Variants in CHRM3 observed in about 807,000 individuals in gnomAD.
CHRM3 encodes cholinergic receptor muscarinic 3, also known as muscarinic acetylcholine receptor M3.
Under a neutral mutation model 41.8 loss-of-function variants are expected in CHRM3, and 11 were observed. That is an observed-to-expected ratio of 0.26 (90% CI 0.17 to 0.44). The LOEUF (loss-of-function observed/expected upper bound fraction) is 0.44, where lower values mean the gene tolerates loss of function less well. Among genes scored for constraint, CHRM3 ranks in the 20% least tolerant of loss-of-function variants. The pLI, the probability that CHRM3 is intolerant of heterozygous loss-of-function variation, is 1.00. For synonymous variants in CHRM3, 297 were observed against 301.4 expected, an observed-to-expected ratio of 0.99 and a Z score of 0.15; for missense variants, 571 against 745.4, an observed-to-expected ratio of 0.77 and a Z score of 2.72.
intron 5 of CHRM3, chr1:239,826,833 A>G (rs1050611862): frequency 6.6e-6 from 1 of 152,250 alleles, no homozygotes; most frequent in Non-Finnish European, 1.5e-5. Flanking sequence ...ACCAATAAAA[A>G]TAATAATATT....
chr1:239,761,379 T>C (rs967040920), intron 5 of CHRM3, among the ~76,000 whole-genome samples: 10 of 152,310 alleles, frequency 6.6e-5, no homozygotes, highest in Admixed American at 3.3e-4. Flanking sequence ...TTTGTACTGA[T>C]TGATTCTTTT....
chr1:239,811,601 G>A (rs1671120701), intron 5 of CHRM3, among the ~76,000 whole-genome samples: 1 of 152,206 alleles, frequency 6.6e-6, no homozygotes, highest in African/African-American at 2.4e-5. Flanking sequence ...AGAATAGAAT[G>A]AGGTAAAGCA....
intron 6 of CHRM3, among the ~76,000 whole-genome samples, chr1:239,864,337 T>C (rs1195320086): frequency 1.3e-5 from 2 of 151,962 alleles, no homozygotes; most frequent in African/African-American, 4.8e-5. Context: ...AGAAACCCCG[T>C]CTCTATTAAA....
At chr1:239,504,463 G>C (rs991876250) in intron 2 of CHRM3, among the ~76,000 whole-genome samples, 18 of 152,166 alleles carry the variant, frequency 1.2e-4, no homozygotes, top group African/African-American at 4.1e-4. Context: ...TACACTGCTG[G>C]TGGGAATGTA....
At chr1:239,703,421 G>A (rs916662725) in intron 5 of CHRM3, 5 of 152,130 alleles carry the variant, frequency 3.3e-5, no homozygotes, top group African/African-American at 9.7e-5. Context: ...AGAAGCGTGG[G>A]AAATGACTAC....
At chr1:239,429,973 C>CTT (rs35583332) in intron 1 of CHRM3, among the ~76,000 whole-genome samples, 3,443 of 138,162 alleles carry the variant, frequency 0.025, 90 homozygotes, top group East Asian at 0.062. Context: ...CCCAGACAAT[C>CTT]TTTTTTTTTT....
intron 5 of CHRM3, among the ~76,000 whole-genome samples, chr1:239,722,652 A>G (rs1663084715): frequency 1.3e-5 from 2 of 152,028 alleles, no homozygotes; most frequent in South Asian, 2.1e-4. Flanking sequence ...AATCTTCATT[A>G]TGTTAAATAT....
chr1:239,633,252 T>A (rs530430941), intron 4 of CHRM3, among the ~76,000 whole-genome samples: 2 of 152,170 alleles, frequency 1.3e-5, no homozygotes, highest in Non-Finnish European at 2.9e-5. Flanking sequence ...ATTACAGGCG[T>A]GAGCCACCGC....
At chr1:239,489,229 T>G (rs1444554921) in intron 1 of CHRM3, among the ~76,000 whole-genome samples, 1 of 152,066 alleles carries the variant, frequency 6.6e-6, no homozygotes, top group Non-Finnish European at 1.5e-5. Flanking sequence ...CTGACCAACA[T>G]GGTGAAACCC....
chr1:239,423,142 G>A (rs1010902036), intron 1 of CHRM3, among the ~76,000 whole-genome samples: 13 of 152,184 alleles, frequency 8.5e-5, no homozygotes, highest in African/African-American at 2.7e-4. Flanking sequence ...CACAGTGCCT[G>A]TACCTAGGGA....
chr1:239,404,988 G>A (rs1321813998), intron 1 of CHRM3, among the ~76,000 whole-genome samples: 4 of 151,756 alleles, frequency 2.6e-5, no homozygotes, highest in Admixed American at 2.0e-4. Context: ...AAAAAGCAAA[G>A]ACAACATAGT....
chr1:239,514,309 G>A (rs541746818), intron 2 of CHRM3, among the ~76,000 whole-genome samples: 38 of 151,704 alleles, frequency 2.5e-4, no homozygotes, highest in African/African-American at 8.7e-4. Flanking sequence ...TTCTTTCATT[G>A]GAGTTTTGAA....
At chr1:239,773,931 G>C (rs1292360219) in intron 5 of CHRM3, among the ~76,000 whole-genome samples, 1 of 151,790 alleles carries the variant, frequency 6.6e-6, no homozygotes. Flanking sequence ...CAGGTAATTA[G>C]ATTTAGAGAT....
intron 2 of CHRM3, among the ~76,000 whole-genome samples, chr1:239,495,842 C>T (rs777838674): frequency 2.6e-5 from 4 of 151,984 alleles, no homozygotes; most frequent in Non-Finnish European, 4.4e-5. Context: ...GATTTTCTTT[C>T]TTCTATTCAA....
At chr1:239,558,132 C>T (rs1040069068) in intron 3 of CHRM3, among the ~76,000 whole-genome samples, 4 of 152,180 alleles carry the variant, frequency 2.6e-5, no homozygotes, top group Non-Finnish European at 5.9e-5. Context: ...TTCTCTGCAA[C>T]CTCACAAGCA....
intron 5 of CHRM3, among the ~76,000 whole-genome samples, chr1:239,823,663 C>G (rs1672228572): frequency 6.6e-6 from 1 of 151,722 alleles, no homozygotes. Flanking sequence ...TAAACATAGG[C>G]TAAGGATTAA....
At chr1:239,751,365 G>A (rs1665809853) in intron 5 of CHRM3, among the ~76,000 whole-genome samples, 3 of 151,924 alleles carry the variant, frequency 2.0e-5, no homozygotes, top group South Asian at 4.2e-4. Context: ...ATTTCTATAT[G>A]CATCCTTTTT....
At chr1:239,404,219 G>C (rs891105682) in intron 1 of CHRM3, among the ~76,000 whole-genome samples, 13 of 150,490 alleles carry the variant, frequency 8.6e-5, no homozygotes, top group African/African-American at 3.2e-4. Context: ...AACCCAGGAG[G>C]CAGAGCTTGC....
intron 4 of CHRM3, among the ~76,000 whole-genome samples, chr1:239,660,140 T>C (rs927406676): frequency 6.6e-6 from 1 of 152,122 alleles, no homozygotes; most frequent in African/African-American, 2.4e-5. Context: ...TAATGGTTTT[T>C]GTTTTGTTTT....
Sources: allele counts gnomAD v4.1 joint callset (sites outside exome capture counted in the v4.1 genomes callset), GRCh38; gene constraint gnomAD v4.1.1; transcripts MANE v1.5; gene names NCBI Gene and HGNC (gene_info 2026-07-23, HGNC 2026-07-21).